The following TPP2 variants were observed in gnomAD, a reference collection of about 807,000 sequenced individuals.
The protein encoded by TPP2 is tripeptidyl peptidase 2.
Under a neutral mutation model 155.9 loss-of-function variants are expected in TPP2, and 34 were observed. That is an observed-to-expected ratio of 0.22 (90% CI 0.17 to 0.29). The LOEUF (loss-of-function observed/expected upper bound fraction) is 0.29. TPP2 is among the 10% of genes least tolerant of loss of function. The probability of loss-of-function intolerance (pLI) is 1.00; values close to 1 mark genes in which losing one functional copy is unlikely to be tolerated. For missense variants in TPP2, 1,028 were observed against 1,522.3 expected (o/e 0.68, Z 5.40); for synonymous variants, 510 against 529.4 (o/e 0.96, Z 0.50).
At chr13:102,604,727 A>T (rs1879691401) in intron 1 of TPP2, 66 bp from the exon 2 acceptor site, 4 of 1,526,016 alleles carry the variant, frequency 2.6e-6, no homozygotes, top group African/African-American at 2.8e-5. Context: ...ATATATGTGG[A>T]TTTGCATTGT....
At chr13:102,617,493 C>G (rs1239728730) in intron 4 of TPP2, among the ~76,000 whole-genome samples, 1 of 152,086 alleles carries the variant, frequency 6.6e-6, no homozygotes, top group Non-Finnish European at 1.5e-5. Context: ...TTTGTGATAG[C>G]CTTTACATGA....
intron 1 of TPP2, 143 bp from the exon 2 acceptor site, chr13:102,604,650 G>A: frequency 1.1e-6 from 1 of 939,086 alleles, no homozygotes; most frequent in Non-Finnish European, 1.5e-6. Flanking sequence ...ATTTGTTCAG[G>A]CTTTTGGCTT....
Position 102,605,381 on chromosome 13 carries a change from A to C in TPP2, c.294+460A>C, listed in dbSNP as rs544245871. On this transcript the variant is annotated intron_variant, in intron 2 of 29. Transcript: ENST00000376052. Reference sequence around the variant, plus strand: ...GTGACCTTCTAAGGGACCACCTATCACTTGACTATATTGAGCTCATTGGAA... The same window carrying C: ...GTGACCTTCTAAGGGACCACCTATCCCTTGACTATATTGAGCTCATTGGAA... Among the ~76,000 whole-genome samples the C allele has an allele frequency of 2.6e-5, 4 of 152,300 alleles. No individual in the cohort carries two copies. In the East Asian group the frequency reaches 7.7e-4, roughly 29 times the overall value.
At chr13:102,639,605 T>G (rs1882622061) in intron 15 of TPP2, among the ~76,000 whole-genome samples, 1 of 151,998 alleles carries the variant, frequency 6.6e-6, no homozygotes, top group Non-Finnish European at 1.5e-5. Context: ...CATGCTAGAT[T>G]GTCTAGGTTA....
At chr13:102,656,980 A>G (rs1847183056) in intron 24 of TPP2, 76 bp from the exon 25 acceptor site, 2 of 1,454,138 alleles carry the variant, frequency 1.4e-6, no homozygotes, top group Non-Finnish European at 1.9e-6. Context: ...GTTACATGAC[A>G]TGTAGCTGTT....
intron 6 of TPP2, among the ~76,000 whole-genome samples, chr13:102,626,556 C>T (rs1188503482): frequency 1.3e-5 from 2 of 152,208 alleles, no homozygotes; most frequent in African/African-American, 4.8e-5. Flanking sequence ...CAGTGTTCAG[C>T]TTTCACTCCA....
chr13:102,618,225 T>G (rs74112116), intron 4 of TPP2, among the ~76,000 whole-genome samples: 22,777 of 152,208 alleles, frequency 0.15, 2,046 homozygotes, highest in African/African-American at 0.25. Flanking sequence ...ATTAAATGCT[T>G]CTATTTAACA....
Position 102,613,994 on chromosome 13 carries a change from A to C in TPP2, c.295-107A>C, listed in dbSNP as rs922255198. ...TGTTGTACATGAGCATCCTTATCCA[A>C]TTTAAGCTTATTAGAGTAGAAGTAA... On this transcript the variant is annotated intron_variant, in intron 2 of 29. Transcript: ENST00000376052. 1.2e-5 allele frequency: 11 copies of C among 899,414 alleles called. 1 individual carries two copies. The South Asian group carries it at 1.8e-4, about 15-fold the overall frequency. 55.7% of individuals were successfully genotyped at this position (899,414 alleles called of 1,614,324 possible). A position where few individuals can be genotyped will look rare whatever the true frequency, so the allele number is the denominator to read the frequency against.
rs1398933193 is a variant in TPP2, at chr13:102,600,336, G to A, written c.165+3133G>A. ...CTCCTGCTTCATCCTTTAAGATCCAGTCGGGTCTTGACACCATTATGTTTT... is the reference window on the plus strand; with the variant it reads ...CTCCTGCTTCATCCTTTAAGATCCAATCGGGTCTTGACACCATTATGTTTT... On this transcript the variant is annotated intron_variant, in intron 1 of 29. Coordinates refer to ENST00000376052, the MANE Select transcript of TPP2 (RefSeq NM_001330588.2). Among the ~76,000 whole-genome samples the A allele has an allele frequency of 2.0e-5, 3 of 152,234 alleles. No homozygotes were observed. The East Asian group carries it at 5.8e-4, about 29-fold the overall frequency.
chr13:102,611,837 T>C (rs192250061), intron 2 of TPP2, among the ~76,000 whole-genome samples: 1 of 152,294 alleles, frequency 6.6e-6, no homozygotes, highest in East Asian at 1.9e-4. Flanking sequence ...TGTTTCCTTT[T>C]TTCTGTAAAA....
chr13:102,616,316 A>G lies in TPP2; in HGVS notation c.391-80A>G, dbSNP rs1260820304. On this transcript the variant is annotated intron_variant, in intron 3 of 29. Transcript: ENST00000376052. ...GTGTAGTATCACAACTGTACCAACA[A>G]AGTCCACATATAAATGCCTGTCTAG... The G allele has an allele frequency of 5.2e-6, 6 of 1,159,552 alleles. No homozygotes were observed. The Admixed American group carries it at 1.3e-4, about 25-fold the overall frequency. The allele number at this position is 1,159,552 out of a possible 1,614,324, so 71.8% of individuals were successfully genotyped here. A position where few individuals can be genotyped will look rare whatever the true frequency, so the allele number is the denominator to read the frequency against.
At chr13:102,628,233 C>A (rs919423394) in intron 8 of TPP2, among the ~76,000 whole-genome samples, 3 of 152,098 alleles carry the variant, frequency 2.0e-5, no homozygotes, top group Non-Finnish European at 4.4e-5. Flanking sequence ...CCTCACAGTT[C>A]TTCTGAGATA....
chr13:102,627,226 A>G, intron 7 of TPP2, 60 bp downstream of exon 7: 1 of 1,463,062 alleles, frequency 6.8e-7, no homozygotes, highest in Non-Finnish European at 9.1e-7. Context: ...GGATATTTTT[A>G]GGTTTATAAG....
At chr13:102,672,977 G>A (rs1162862730) in intron 27 of TPP2, among the ~76,000 whole-genome samples, 2 of 152,168 alleles carry the variant, frequency 1.3e-5, no homozygotes, top group Non-Finnish European at 1.5e-5. Context: ...TATTGGGGTT[G>A]GTAATTGCCC....
intron 11 of TPP2, among the ~76,000 whole-genome samples, chr13:102,635,094 C>T (rs149514561): frequency 2.8e-4 from 43 of 152,280 alleles, no homozygotes; most frequent in African/African-American, 1.0e-3. Flanking sequence ...TGGCTGTACC[C>T]TAGAATCATC....
intron 6 of TPP2, among the ~76,000 whole-genome samples, chr13:102,623,585 T>C (rs1263992673): frequency 6.6e-6 from 1 of 152,154 alleles, no homozygotes; most frequent in Non-Finnish European, 1.5e-5. Context: ...ATCAATAGAA[T>C]TTATCTCATG....
At chr13:102,604,714 CATAT>C (rs35697719) in intron 1 of TPP2, 75 bp from the exon 2 acceptor site, 18 of 1,455,006 alleles carry the variant, frequency 1.2e-5, no homozygotes, top group Non-Finnish European at 2.8e-6. Flanking sequence ...TATACACACA[CATAT>C]ATATGTGGAT....
intron 24 of TPP2, among the ~76,000 whole-genome samples, chr13:102,655,589 T>C (rs942357662): frequency 3.3e-5 from 5 of 152,224 alleles, no homozygotes; most frequent in East Asian, 1.9e-4. Context: ...TCAAGACTTA[T>C]CTGTGAATAA....
Position 102,651,402 on chromosome 13 carries a change from T to C in TPP2, c.2991+5T>C. 1.3e-6 allele frequency: 2 copies of C among 1,575,116 alleles called. No homozygotes were observed. Among genetic ancestry groups the C allele is most frequent in the Non-Finnish European group, 1.7e-6 (2 of 1,159,328 alleles). ...CGACAAGGAAAATTTAAAAAGGTAC[T>C]GATTGTCAGTTCTTAAAAAAGATGT... On this transcript the variant is annotated splice_donor_5th_base_variant and intron_variant, in intron 24 of 29. Coordinates refer to ENST00000376052, the MANE Select transcript of TPP2 (RefSeq NM_001330588.2).
Sources: gnomAD v4.1 joint callset for allele counts (sites outside exome capture counted in the v4.1 genomes callset) on GRCh38, gnomAD v4.1.1 for gene constraint, MANE v1.5 for transcripts, NCBI Gene and HGNC (gene_info 2026-07-23, HGNC 2026-07-21) for gene names.